Variants in UGT2B11 observed in about 807,000 individuals in gnomAD.
UGT2B11 encodes UDP glucuronosyltransferase family 2 member B11.
UGT2B11 carries 49 observed loss-of-function variants against 51.7 expected under a neutral mutation model. That is an observed-to-expected ratio of 0.95 (90% CI 0.75 to 1.20). The LOEUF is 1.20. UGT2B11 is among the 50% of genes most tolerant of loss of function. UGT2B11 has a pLI of 0.00. For missense variants in UGT2B11, 810 were observed against 622.1 expected (o/e 1.30, Z -3.21); for synonymous variants, 273 against 209.0 (o/e 1.31, Z -2.64).
intron 1 of UGT2B11, 60 bp from the exon 2 acceptor site, chr4:69,212,781 T>C: frequency 6.5e-7 from 1 of 1,549,830 alleles, no homozygotes; most frequent in Non-Finnish European, 8.6e-7. Context: ...TACATACCTT[T>C]CTGAAAAAGG....
chr4:69,204,592 G>A lies in UGT2B11; in HGVS notation c.1148C>T (p.Ala383Val). ...THGGANGIYE[A>V]IYHGIPMVGI... ...CACCATAGGGATCCCATGGTAGATT[G>A]CCTCATAGATGCCATTGGCTCCACC... Residue 383 changes from alanine (A) to valine (V), a missense_variant, in exon 5 of 6, where the codon GCA (alanine) becomes GTA (valine). By Grantham distance (64) the Ala-to-Val change is moderately conservative (BLOSUM62 0). Transcript: ENST00000446444. The A allele has an allele frequency of 6.2e-7, 1 of 1,612,090 alleles. No individual in the cohort carries two copies. The highest frequency in any genetic ancestry group is 8.5e-7 in the Non-Finnish European group (1 of 1,178,738).
chr4:69,212,148 A>G (rs1301416396), intron 2 of UGT2B11, among the ~76,000 whole-genome samples: 2 of 151,560 alleles, frequency 1.3e-5, no homozygotes, highest in Non-Finnish European at 1.5e-5. Context: ...ATAGTTTTTT[A>G]TAACATTTTC....
chr4:69,206,484 G>T (rs1721862113), intron 3 of UGT2B11, among the ~76,000 whole-genome samples: 2 of 151,526 alleles, frequency 1.3e-5, no homozygotes, highest in South Asian at 4.1e-4. Flanking sequence ...AGGGTGGAGG[G>T]TGGGAGGAAA....
At chr4:69,217,362 G>C (rs958146253), upstream of UGT2B11, among the ~76,000 whole-genome samples, 1 of 152,086 alleles carries the variant, frequency 6.6e-6, no homozygotes, top group Non-Finnish European at 1.5e-5. Context: ...AATGAGATAA[G>C]TCTTTCTCAA....
chr4:69,224,672 T>C, the UGT2B11 span, among the ~76,000 whole-genome samples: 2 of 151,876 alleles, frequency 1.3e-5, no homozygotes, highest in African/African-American at 2.4e-5. Context: ...ATGCCAAAGG[T>C]TCTTGCCTTA....
rs1040387697 is a variant in UGT2B11 at position 69,204,635 on chromosome 4, T to G, written c.1105A>C (p.Arg369=). 1.2e-6 allele frequency: 2 copies of G among 1,611,728 alleles called. No individual in the cohort carries two copies. The highest frequency in any genetic ancestry group is 2.7e-5 in the African/African-American group (2 of 74,722). The change falls in exon 5 of 6, where the codon AGA becomes CGA. Residue 369 remains arginine, a synonymous_variant. Coordinates refer to ENST00000446444, the MANE Select transcript of UGT2B11 (RefSeq NM_001073.3). ...QNDLLGHPKT[R]AFITHGGANG... The stretch of plus-strand genomic sequence containing the variant: ...GCTCCACCATGAGTTATAAAAGCTC[T>G]GGTTTTTGGATGACCTAGGATTGGA...
intron 5 of UGT2B11, among the ~76,000 whole-genome samples, chr4:69,203,217 T>C (rs990105177): frequency 8.6e-5 from 13 of 151,700 alleles, no homozygotes; most frequent in African/African-American, 2.4e-4. Context: ...ATAGACATGT[T>C]TTCTAAGAAG....
In UGT2B11 at chr4:69,212,702, A is replaced by G. The variant is rs1479438687; in HGVS notation, c.741T>C (p.Phe247=). 1 of 1,609,046 alleles carries G rather than the reference A, an allele frequency of 6.2e-7. No individual in the cohort carries two copies. The highest frequency in any genetic ancestry group is 8.5e-7 in the Non-Finnish European group (1 of 1,177,386). ...ATATGTCAGCTTTTCCCATTGTCTC[A>G]AATAAGGTAGTGGGTCTTCCTGACA... The part of the protein sequence containing the change: ...SEVLGRPTTL[F]ETMGKADIWL... The change falls in exon 2 of 6, where the codon TTT becomes TTC. Residue 247 remains phenylalanine (F), a synonymous_variant. Coordinates refer to ENST00000446444, the MANE Select transcript of UGT2B11 (RefSeq NM_001073.3).
intron 5 of UGT2B11, 105 bp from the exon 6 acceptor site, chr4:69,200,824 G>T (rs1019558169): frequency 7.9e-6 from 10 of 1,271,522 alleles, no homozygotes; most frequent in Non-Finnish European, 1.0e-5. Context: ...CAAAATAAAT[G>T]TCAAAGAATT....
the UGT2B11 span, among the ~76,000 whole-genome samples, chr4:69,224,452 G>C: frequency 6.6e-6 from 1 of 152,092 alleles, no homozygotes; most frequent in South Asian, 2.1e-4. Flanking sequence ...GGTTGTTAGA[G>C]AGCCTTTTTC....
At chr4:69,204,148 C>CATT (rs200194868) in intron 5 of UGT2B11, among the ~76,000 whole-genome samples, 9,248 of 151,316 alleles carry the variant, frequency 0.061, 320 homozygotes, top group South Asian at 0.12. Context: ...TCTATGGATT[C>CATT]ATGTTAAAAT....
upstream of UGT2B11, among the ~76,000 whole-genome samples, chr4:69,216,959 C>T (rs962201839): frequency 6.6e-6 from 1 of 152,064 alleles, no homozygotes; most frequent in African/African-American, 2.4e-5. Context: ...TTCATTTTCT[C>T]TATGTATTTT....
chr4:69,213,943 T>C, intron 1 of UGT2B11, 59 bp downstream of exon 1: 1 of 1,491,468 alleles, frequency 6.7e-7, no homozygotes, highest in Non-Finnish European at 8.9e-7. Flanking sequence ...TTATAAAAGC[T>C]CTGCTTCAAA....
In UGT2B11 at chr4:69,212,544, C is replaced by T. The variant is rs751754815; in HGVS notation, c.870+29G>A. The T allele has an allele frequency of 1.1e-5, 18 of 1,592,898 alleles. No individual in the cohort carries two copies. In the African/African-American group the frequency reaches 1.5e-4, roughly 13 times the overall value. ...ATTTCTACTGAAACTTCGAAGCCAA[C>T]AAAATAAAACCAACAAAAGTATGTT... On this transcript the variant is annotated intron_variant, in intron 2 of 5. Coordinates refer to ENST00000446444, the MANE Select transcript of UGT2B11 (RefSeq NM_001073.3).
rs115088844 is a variant in UGT2B11, at chr4:69,201,481, C to T, written c.1311-762G>A. ...CTGTTATTTGGTCTACAGAACCCTA[C>T]ATCGTAAGACACTGGCAAGCTTTTT... On this transcript the variant is annotated intron_variant, in intron 5 of 5. Coordinates refer to ENST00000446444, the MANE Select transcript of UGT2B11 (RefSeq NM_001073.3). Among the ~76,000 whole-genome samples the T allele has an allele frequency of 7.2e-3, 1,097 of 151,950 alleles. 13 individuals carry two copies. Among genetic ancestry groups the T allele is most frequent in the African/African-American group, 0.025 (1,019 of 41,512 alleles).
rs547128831 is a variant in UGT2B11, at chr4:69,205,505, C to A, written c.1065G>T (p.Lys355Asn). Residue 355 changes from lysine to asparagine, a missense_variant, in exon 4 of 6, where the codon AAG (lysine) becomes AAT (asparagine). Physicochemically the swap from Lys to Asn is moderately conservative, Grantham distance 94 (BLOSUM62 0). Coordinates refer to ENST00000446444, the MANE Select transcript of UGT2B11 (RefSeq NM_001073.3). Reference sequence around the variant, plus strand: ...CTAGAAGGTCATTCTGGGGTATCCACTTGTACAGCCGAGTATTGAGACCTA... The same window carrying A: ...CTAGAAGGTCATTCTGGGGTATCCAATTGTACAGCCGAGTATTGAGACCTA... ...DALGLNTRLY[K>N]WIPQNDLLGH... 6.2e-7 allele frequency: 1 copy of A among 1,610,682 alleles called. No individual in the cohort carries two copies. Among genetic ancestry groups the A allele is most frequent in the African/African-American group, 1.3e-5 (1 of 74,670 alleles).
At chr4:69,218,735 C>T (rs1247390959), upstream of UGT2B11, among the ~76,000 whole-genome samples, 1 of 151,984 alleles carries the variant, frequency 6.6e-6, no homozygotes, top group African/African-American at 2.4e-5. Flanking sequence ...AAAGCTATGA[C>T]ATTACAGAGT....
intron 4 of UGT2B11, among the ~76,000 whole-genome samples, chr4:69,205,000 G>C: frequency 6.6e-6 from 1 of 151,704 alleles, no homozygotes; most frequent in East Asian, 1.9e-4. Flanking sequence ...ATGCAAGGCA[G>C]CAGGCAGTGG....
upstream of UGT2B11, among the ~76,000 whole-genome samples, chr4:69,217,599 C>T (rs1722306541): frequency 6.6e-6 from 1 of 151,904 alleles, no homozygotes; most frequent in African/African-American, 2.4e-5. Context: ...ATAAAGTGAC[C>T]TTTCCAAGAC....
Sources: allele counts gnomAD v4.1 joint callset (sites outside exome capture counted in the v4.1 genomes callset), GRCh38; gene constraint gnomAD v4.1.1; transcripts MANE v1.5; gene names NCBI Gene and HGNC (gene_info 2026-07-23, HGNC 2026-07-21).